Variants in ERN1 observed in about 807,000 individuals in gnomAD.
ERN1 encodes serine/threonine-protein kinase/endoribonuclease IRE1.
A neutral mutation model predicts 113.1 loss-of-function variants in ERN1; 39 were observed. That is an observed-to-expected ratio of 0.34 (90% CI 0.27 to 0.45). The LOEUF (loss-of-function observed/expected upper bound fraction) is 0.45, where lower values mean the gene tolerates loss of function less well. Ranked by LOEUF, ERN1 falls within the 20% of genes least tolerant of loss-of-function variation. The probability of loss-of-function intolerance (pLI) is 1.00; values close to 1 mark genes in which losing one functional copy is unlikely to be tolerated. For missense variants in ERN1, 976 were observed against 1,274.8 expected (o/e 0.77, Z 3.57); for synonymous variants, 507 against 515.9 (o/e 0.98, Z 0.23).
intron 11 of ERN1, 63 bp downstream of exon 11, chr17:64,060,406 C>A: frequency 9.7e-7 from 1 of 1,034,068 alleles, no homozygotes; most frequent in Non-Finnish European, 1.5e-6. Flanking sequence ...GAGTCAAAGT[C>A]TAATGCCTCA....
At chr17:64,107,348 T>G (rs1914556585) in intron 1 of ERN1, among the ~76,000 whole-genome samples, 1 of 152,166 alleles carries the variant, frequency 6.6e-6, no homozygotes, top group African/African-American at 2.4e-5. Context: ...TGAGACAGGG[T>G]CTTGCTCTGT....
intron 6 of ERN1, among the ~76,000 whole-genome samples, chr17:64,070,631 T>G (rs1159182668): frequency 6.6e-6 from 1 of 152,230 alleles, no homozygotes; most frequent in Non-Finnish European, 1.5e-5. Context: ...TCACTGAGTT[T>G]TAGAAATGCA....
Position 64,044,792 on chromosome 17 carries a change from G to T in ERN1, c.2721+68C>A. 2.0e-6 allele frequency: 2 copies of T among 1,010,694 alleles called. No individual in the cohort carries two copies. Among genetic ancestry groups the T allele is most frequent in the Non-Finnish European group, 3.1e-6 (2 of 653,902 alleles). The allele number at this position is 1,010,694 out of a possible 1,614,324, so 62.6% of individuals were successfully genotyped here. A position where few individuals can be genotyped will look rare whatever the true frequency, so the allele number is the denominator to read the frequency against. On this transcript the variant is annotated intron_variant, in intron 21 of 21. Transcript: ENST00000433197. This position sits in a 1 kb window ranked among gnomAD's most constrained non-coding sequence, Gnocchi z 4.1. ...ACAGATAAAAGATTTATAAAGAATG[G>T]ATGAAAGGAGGAAGGTGTCCATGTC...
At chr17:64,059,349 ATTCTC>A (rs1487872008) in intron 11 of ERN1, among the ~76,000 whole-genome samples, 2 of 152,178 alleles carry the variant, frequency 1.3e-5, no homozygotes, top group Non-Finnish European at 2.9e-5. Context: ...TCAGTCAGCC[ATTCTC>A]TTCTTCTTCT....
At chr17:64,073,915 A>ATTAC (rs944383819) in intron 5 of ERN1, among the ~76,000 whole-genome samples, 2 of 152,186 alleles carry the variant, frequency 1.3e-5, no homozygotes, top group African/African-American at 4.8e-5. Context: ...AGGTACTGGG[A>ATTAC]TTACAGTTGT....
intron 2 of ERN1, among the ~76,000 whole-genome samples, chr17:64,082,850 A>AAT (rs1555616239): frequency 1.3e-5 from 2 of 150,578 alleles, no homozygotes; most frequent in African/African-American, 4.9e-5. Context: ...AAGAACTGTG[A>AAT]TTTTTTTTTT....
chr17:64,068,652 A>G (rs1456934055), intron 6 of ERN1, among the ~76,000 whole-genome samples: 1 of 152,226 alleles, frequency 6.6e-6, no homozygotes, highest in Non-Finnish European at 1.5e-5. Context: ...GGATGGCGCC[A>G]TAACAAACAC....
rs1912843038 is a variant in ERN1, at chr17:64,055,744, G to T, written c.1603C>A (p.His535Asn). Residue 535 changes from histidine to asparagine, a missense_variant, in exon 13 of 22, where the codon CAC becomes AAC. His to Asn is a moderately conservative substitution (Grantham distance 68, BLOSUM62 1). Coordinates refer to ENST00000433197, the MANE Select transcript of ERN1 (RefSeq NM_001433.5). Reference protein sequence around the residue: ...SPSTSPRASNHSLCSGSSASK... With the variant: ...SPSTSPRASNNSLCSGSSASK... The stretch of plus-strand genomic sequence containing the variant: ...GCAGAGCTGCCGGAGCAGAGCGAGT[G>T]GTTGGAGGCCCTGGGGGACGTGCTG... 1 of 1,611,892 alleles carries T rather than the reference G, an allele frequency of 6.2e-7. No individual in the cohort carries two copies. Among genetic ancestry groups the T allele is most frequent in the Non-Finnish European group, 8.5e-7 (1 of 1,179,330 alleles).
chr17:64,100,368 A>T (rs1914352206), intron 1 of ERN1, among the ~76,000 whole-genome samples: 1 of 152,154 alleles, frequency 6.6e-6, no homozygotes, highest in Non-Finnish European at 1.5e-5. Context: ...AGAAGTGGAA[A>T]TCCCTGCTGA....
At chr17:64,128,870 G>T (rs1315508903) in intron 1 of ERN1, 2 of 151,898 alleles carry the variant, frequency 1.3e-5, no homozygotes, top group Admixed American at 6.5e-5. Flanking sequence ...CAAGAGTACA[G>T]ACAGTTATTT....
chr17:64,045,599 GCA>G, intron 19 of ERN1, 117 bp from the exon 20 acceptor site: 1 of 1,325,638 alleles, frequency 7.5e-7, no homozygotes, highest in Non-Finnish European at 1.1e-6. Flanking sequence ...GAGCTGGGCA[GCA>G]GGCACCCTGC....
rs758537354 is a variant in ERN1, at chr17:64,060,410, T to G, written c.1206+59A>C. 2.8e-6 allele frequency: 3 copies of G among 1,061,578 alleles called. No homozygotes were observed. In the East Asian group the frequency reaches 7.1e-5, roughly 25 times the overall value. The allele number at this position is 1,061,578 out of a possible 1,614,324, so 65.8% of individuals were successfully genotyped here. ...CTCAGAAGGCAGAGTCAAAGTCTAA[T>G]GCCTCACCCTCCCAACACCTAACAC... On this transcript the variant is annotated intron_variant, in intron 11 of 21. Transcript: ENST00000433197.
chr17:64,055,642 A>G (rs917844703), intron 13 of ERN1, 33 bp downstream of exon 13: 23 of 1,534,246 alleles, frequency 1.5e-5, no homozygotes, highest in Non-Finnish European at 1.9e-5. Context: ...CGAATAAAAC[A>G]TAAAATAGCA....
intron 2 of ERN1, among the ~76,000 whole-genome samples, chr17:64,097,165 T>G (rs1914253001): frequency 6.6e-6 from 1 of 152,222 alleles, no homozygotes; most frequent in Non-Finnish European, 1.5e-5. Flanking sequence ...AAGTTCCTGC[T>G]GATCCAAGCA....
Position 64,052,762 on chromosome 17 carries a change from C to T in ERN1, c.2253+18G>A. ...GGCTGGTTCTGTAGTTTTCAAAGGG[C>T]CATAGCCTATTACTCACAGGGTTCT... is the stretch of plus-strand genomic sequence containing the variant. On this transcript the variant is annotated intron_variant, in intron 17 of 21. Coordinates refer to ENST00000433197, the MANE Select transcript of ERN1 (RefSeq NM_001433.5). The T allele has an allele frequency of 6.2e-7, 1 of 1,608,072 alleles. No homozygotes were observed. Among genetic ancestry groups the T allele is most frequent in the Non-Finnish European group, 8.5e-7 (1 of 1,175,436 alleles).
At chr17:64,104,290 A>AGCAGCCTTATCACTGAAGTTTTGGTTTG (rs1914463292) in intron 1 of ERN1, among the ~76,000 whole-genome samples, 1 of 152,196 alleles carries the variant, frequency 6.6e-6, no homozygotes, top group Non-Finnish European at 1.5e-5. Context: ...GCTTGATTTC[A>AGCAGCCTTATCACTGAAGTTTTGGTTTG]GCAGCCTTAT....
intron 6 of ERN1, among the ~76,000 whole-genome samples, chr17:64,071,043 T>C (rs1178687489): frequency 1.3e-5 from 2 of 152,168 alleles, no homozygotes; most frequent in Admixed American, 1.3e-4. Flanking sequence ...ATTGAATTTA[T>C]AAATATGCAG....
rs1387275322 is a variant in ERN1 at position 64,047,914 on chromosome 17, G to A, written c.2473C>T (p.His825Tyr). ...CAGAAGAACGGGTGTTTGAGCACAT[G>A]CTTCGCTGAGGGGCGTTTCTGAGGA... is the stretch of plus-strand genomic sequence containing the variant. ...MDPQKRPSAK[H>Y]VLKHPFFWSL... is the part of the protein sequence containing the mutation. Residue 825 changes from histidine to tyrosine, a missense_variant, in exon 19 of 22, where the codon CAT (histidine) becomes TAT (tyrosine). Physicochemically the swap from His to Tyr is moderately conservative, Grantham distance 83. Transcript: ENST00000433197. The A allele has an allele frequency of 9.3e-6, 15 of 1,613,338 alleles. No homozygotes were observed. The highest frequency in any genetic ancestry group is 1.2e-5 in the Non-Finnish European group (14 of 1,179,384).
chr17:64,070,207 A>G (rs1163947209), intron 6 of ERN1, among the ~76,000 whole-genome samples: 1 of 152,182 alleles, frequency 6.6e-6, no homozygotes, highest in Non-Finnish European at 1.5e-5. Context: ...ACTGAACTGA[A>G]GTCTCAGATA....
Sources: gnomAD v4.1 joint callset for allele counts (sites outside exome capture counted in the v4.1 genomes callset) on GRCh38, gnomAD v4.1.1 for gene constraint, Gnocchi (gnomAD v3.1) non-coding constraint, MANE v1.5 for transcripts, NCBI Gene and HGNC (gene_info 2026-07-23, HGNC 2026-07-21) for gene names.